PABPC4L: variants seen among roughly 807,000 people sequenced by gnomAD.
The protein encoded by PABPC4L is poly(A) binding protein cytoplasmic 4 like.
For missense variants in PABPC4L, 452 were observed against 451.4 expected, an observed-to-expected ratio of 1.00 and a Z score of -0.01; for synonymous variants, 169 against 164.1, an observed-to-expected ratio of 1.03 and a Z score of -0.23.
At chr4:133,955,375 T>A in the PABPC4L span, among the ~76,000 whole-genome samples, 17 of 152,256 alleles carry the variant, frequency 1.1e-4, no homozygotes, top group Non-Finnish European at 2.1e-4. Flanking sequence ...TTCAAAAGTA[T>A]ACTGATCTTA....
chr4:134,200,539 G>GTTTTCCATTCATC lies in PABPC4L; in HGVS notation c.468_480dup (p.Leu161AspfsTer23). 6.4e-7 allele frequency: 1 copy of GTTTTCCATTCATC among 1,551,610 alleles called. No individual in the cohort carries two copies. The highest frequency in any genetic ancestry group is 8.7e-7 in the Non-Finnish European group (1 of 1,146,968). ...ACAAACACCTTGCAGCCCTTGAGTAGTTTTCCATTCATCTCCTCAATGGCC... is the reference window on the plus strand; with the variant it reads ...ACAAACACCTTGCAGCCCTTGAGTAGTTTTCCATTCATCTTTTCCATTCATCTCCTCAATGGCC... On this transcript the variant is annotated frameshift_variant, in exon 2 of 2. Transcript: ENST00000421491. LOFTEE classifies it low-confidence loss of function (END_TRUNC).
chr4:134,039,549 T>A, the PABPC4L span, among the ~76,000 whole-genome samples: 13 of 152,158 alleles, frequency 8.5e-5, no homozygotes, highest in African/African-American at 2.7e-4. Flanking sequence ...TTCTTCTTGT[T>A]GCATTGATTC....
the PABPC4L span, among the ~76,000 whole-genome samples, chr4:134,180,135 G>A: frequency 4.0e-5 from 6 of 151,832 alleles, no homozygotes; most frequent in Admixed American, 1.3e-4. Flanking sequence ...ATTGTCCACA[G>A]AATTGGGCAT....
chr4:133,968,359 T>A, the PABPC4L span, among the ~76,000 whole-genome samples: 1 of 152,126 alleles, frequency 6.6e-6, no homozygotes, highest in East Asian at 1.9e-4. Flanking sequence ...CCAACAGACA[T>A]GCTTGTTGAC....
At chr4:134,106,324 AG>A in the PABPC4L span, among the ~76,000 whole-genome samples, 1 of 151,698 alleles carries the variant, frequency 6.6e-6, no homozygotes, top group African/African-American at 2.4e-5. Context: ...AGAATGATTT[AG>A]GGAAATAATT....
the PABPC4L span, among the ~76,000 whole-genome samples, chr4:134,078,143 T>C: frequency 6.6e-6 from 1 of 152,282 alleles, no homozygotes; most frequent in Admixed American, 6.5e-5. Context: ...ACATAAGTAA[T>C]ACTAAAGTAA....
the PABPC4L span, among the ~76,000 whole-genome samples, chr4:134,113,974 T>C: frequency 2.0e-5 from 3 of 151,852 alleles, no homozygotes; most frequent in African/African-American, 7.2e-5. Context: ...GTCACAAATA[T>C]TTAAATCTGG....
At chr4:134,049,070 T>C in the PABPC4L span, among the ~76,000 whole-genome samples, 6 of 152,028 alleles carry the variant, frequency 3.9e-5, no homozygotes, top group Non-Finnish European at 7.4e-5. Flanking sequence ...CAGGTCTACA[T>C]GAAGAAATTA....
the PABPC4L span, among the ~76,000 whole-genome samples, chr4:134,176,050 T>C: frequency 1.3e-5 from 2 of 152,144 alleles, no homozygotes; most frequent in Non-Finnish European, 2.9e-5. Context: ...TAATGAATGG[T>C]GACCTAGAAT....
the PABPC4L span, among the ~76,000 whole-genome samples, chr4:134,113,439 T>C: frequency 1.9e-4 from 29 of 152,108 alleles, no homozygotes; most frequent in South Asian, 2.1e-4. Flanking sequence ...CATTGTGTTA[T>C]AACTGCCTAC....
chr4:134,201,489 C>T (rs1432299023), intron 1 of PABPC4L, among the ~76,000 whole-genome samples: 3 of 152,252 alleles, frequency 2.0e-5, no homozygotes, highest in Admixed American at 2.0e-4. Flanking sequence ...AGGTTCTGCC[C>T]GGCAGAGACC....
the PABPC4L span, among the ~76,000 whole-genome samples, chr4:134,112,042 G>C: frequency 6.6e-6 from 1 of 151,854 alleles, no homozygotes. Context: ...TAATAAAATT[G>C]TTATTCTATA....
At chr4:134,050,970 A>T in the PABPC4L span, among the ~76,000 whole-genome samples, 1 of 150,956 alleles carries the variant, frequency 6.6e-6, no homozygotes, top group African/African-American at 2.4e-5. Flanking sequence ...AATGTTACAC[A>T]TTATATTTTG....
chr4:134,042,159 G>T, the PABPC4L span, among the ~76,000 whole-genome samples: 6 of 152,086 alleles, frequency 3.9e-5, no homozygotes, highest in Non-Finnish European at 5.9e-5. Flanking sequence ...GTAGTTTTTT[G>T]ATCTAAGTGT....
At chr4:134,028,172 GTTGT>G in the PABPC4L span, among the ~76,000 whole-genome samples, 11 of 152,218 alleles carry the variant, frequency 7.2e-5, no homozygotes, top group African/African-American at 2.4e-4. Flanking sequence ...TCCACTGTTT[GTTGT>G]TTAACAAGCC....
the PABPC4L span, among the ~76,000 whole-genome samples, chr4:133,980,533 T>G: frequency 6.6e-6 from 1 of 152,164 alleles, no homozygotes; most frequent in Non-Finnish European, 1.5e-5. Flanking sequence ...AGGCTATATA[T>G]GCACACACAC....
At chr4:134,176,256 T>A in the PABPC4L span, among the ~76,000 whole-genome samples, 16 of 152,206 alleles carry the variant, frequency 1.1e-4, no homozygotes, top group Admixed American at 4.6e-4. Context: ...TATTAATAGA[T>A]AAATGATTAT....
the PABPC4L span, among the ~76,000 whole-genome samples, chr4:134,101,574 A>T: frequency 0.012 from 1,874 of 151,618 alleles, 42 homozygotes; most frequent in African/African-American, 0.043. Flanking sequence ...TCTCCAAAGA[A>T]ACCTCTCATG....
the PABPC4L span, among the ~76,000 whole-genome samples, chr4:134,157,584 C>T: frequency 5.9e-5 from 9 of 151,670 alleles, no homozygotes; most frequent in Non-Finnish European, 1.3e-4. Flanking sequence ...AAATTAATGG[C>T]TGTTACAGCT....
Sources: allele counts gnomAD v4.1 joint callset (sites outside exome capture counted in the v4.1 genomes callset), GRCh38; gene constraint gnomAD v4.1.1; transcripts MANE v1.5; gene names NCBI Gene and HGNC (gene_info 2026-07-23, HGNC 2026-07-21).